Variants in ELL observed in about 807,000 individuals in gnomAD.
ELL encodes RNA polymerase II elongation factor ELL.
In ELL, 18 loss-of-function variants were observed where a neutral mutation model predicts 64.0. The ratio of observed to expected loss-of-function variants is 0.28; its 90% CI spans 0.19 to 0.42. The LOEUF is 0.42. ELL is among the 10% of genes least tolerant of loss of function. ELL has a pLI of 1.00. For synonymous variants in ELL, 399 were observed against 376.2 expected (o/e 1.06, Z -0.70); for missense variants, 797 against 870.4 (o/e 0.92, Z 1.06).
chr19:18,498,988 G>A (rs1250131170), intron 1 of ELL, among the ~76,000 whole-genome samples: 5 of 152,136 alleles, frequency 3.3e-5, no homozygotes, highest in Non-Finnish European at 5.9e-5. Flanking sequence ...ACACAAATGT[G>A]TGCACTAGGG....
At chr19:18,483,282 C>T (rs536822342) in intron 1 of ELL, among the ~76,000 whole-genome samples, 4 of 152,172 alleles carry the variant, frequency 2.6e-5, no homozygotes, top group African/African-American at 4.8e-5. Flanking sequence ...GGATATTCCC[C>T]GGATGCCACC....
In ELL at chr19:18,509,591, GCGCACATACACACACA is replaced by G. The variant is rs1459803480; in HGVS notation, c.135+12314_135+12329del. On this transcript the variant is annotated intron_variant, in intron 1 of 11. Transcript: ENST00000262809. Reference sequence around the variant, plus strand: ...CACAGGCCAATGCACGTGCGCGCGCGCGCACATACACACACACACACACACACACACACACACACAC... The same window carrying G: ...CACAGGCCAATGCACGTGCGCGCGCGCACACACACACACACACACACACAC... Among the ~76,000 whole-genome samples, 967 of 121,772 alleles carry G rather than the reference GCGCACATACACACACA, an allele frequency of 7.9e-3. 33 individuals carry two copies. The highest frequency in any genetic ancestry group is 0.015 in the South Asian group (58 of 3,748). The allele number at this position is 121,772 out of a possible 152,430, so 79.9% of individuals were successfully genotyped here. A position where few individuals can be genotyped will look rare whatever the true frequency, so the allele number is the denominator to read the frequency against.
chr19:18,508,683 T>C (rs1311610578), intron 1 of ELL, among the ~76,000 whole-genome samples: 2 of 152,210 alleles, frequency 1.3e-5, no homozygotes, highest in African/African-American at 4.8e-5. Context: ...AAGCTTCTTT[T>C]ATGAAGGGCC....
intron 1 of ELL, among the ~76,000 whole-genome samples, chr19:18,490,918 C>G (rs915484876): frequency 2.0e-5 from 3 of 152,184 alleles, no homozygotes; most frequent in Non-Finnish European, 2.9e-5. Context: ...TGCTCACCAC[C>G]GGCAGCAGGT....
At chr19:18,472,647 G>A in intron 2 of ELL, 188 bp downstream of exon 2, 2 of 651,262 alleles carry the variant, frequency 3.1e-6, no homozygotes, top group African/African-American at 1.9e-5. Flanking sequence ...CCTGTGACGT[G>A]CACCCGACAC....
intron 1 of ELL, among the ~76,000 whole-genome samples, chr19:18,509,551 G>A (rs1265089236): frequency 6.6e-5 from 10 of 150,672 alleles, no homozygotes; most frequent in Non-Finnish European, 1.3e-4. Context: ...TCTCCAGGGT[G>A]AACACAGATG....
intron 1 of ELL, among the ~76,000 whole-genome samples, chr19:18,493,128 G>A (rs1975566915): frequency 6.6e-6 from 1 of 152,070 alleles, no homozygotes; most frequent in African/African-American, 2.4e-5. Context: ...CCACAAGGGT[G>A]ACCGAGAAGG....
intron 1 of ELL, among the ~76,000 whole-genome samples, chr19:18,519,178 C>T (rs1449646579): frequency 2.0e-5 from 3 of 150,246 alleles, no homozygotes; most frequent in Non-Finnish European, 4.4e-5. Flanking sequence ...CTGGCTAACA[C>T]GAAAAATCGC....
At chr19:18,472,795 C>A in intron 2 of ELL, 40 bp downstream of exon 2, 1 of 1,593,922 alleles carries the variant, frequency 6.3e-7, no homozygotes, top group South Asian at 1.1e-5. Context: ...CTATACCAGT[C>A]CCAAGATTCC....
At chr19:18,495,116 C>T (rs551200370) in intron 1 of ELL, among the ~76,000 whole-genome samples, 3 of 152,276 alleles carry the variant, frequency 2.0e-5, no homozygotes, top group African/African-American at 7.2e-5. Flanking sequence ...TTGGAGTAGA[C>T]AAAAACTAGA....
At chr19:18,447,898 C>T (rs1274413460) in intron 8 of ELL, among the ~76,000 whole-genome samples, 2 of 151,758 alleles carry the variant, frequency 1.3e-5, no homozygotes, top group Admixed American at 6.6e-5. Context: ...GATCCTCTTG[C>T]CTCAGCCTCC....
intron 1 of ELL, among the ~76,000 whole-genome samples, chr19:18,481,316 G>A (rs1975295078): frequency 6.6e-6 from 1 of 152,128 alleles, no homozygotes; most frequent in Admixed American, 6.5e-5. Context: ...CACGGACTGG[G>A]GGCCAGAAGT....
In ELL at chr19:18,501,620, G is replaced by A. The variant is rs1047819097; in HGVS notation, c.135+20301C>T. ...GGGCCGGCTACTCACGAGTGCACAC[G>A]AGGACAGCCAGGATTCACTAGGACA... is the stretch of plus-strand genomic sequence containing the variant. On this transcript the variant is annotated intron_variant, in intron 1 of 11. Coordinates refer to ENST00000262809, the MANE Select transcript of ELL (RefSeq NM_006532.4). This position sits in a 1 kb window ranked among gnomAD's most constrained non-coding sequence, Gnocchi z 4.5. 6.6e-6 allele frequency among the ~76,000 whole-genome samples: 1 copy of A among 152,222 alleles called. No individual in the cohort carries two copies. Among genetic ancestry groups the A allele is most frequent in the African/African-American group, 2.4e-5 (1 of 41,460 alleles).
intron 1 of ELL, among the ~76,000 whole-genome samples, chr19:18,500,000 G>A (rs1423206541): frequency 6.6e-6 from 1 of 152,204 alleles, no homozygotes; most frequent in Admixed American, 6.5e-5. Flanking sequence ...GGTGGCTCAC[G>A]CCTGTAATCC....
intron 1 of ELL, among the ~76,000 whole-genome samples, chr19:18,511,266 CA>C (rs113597097): frequency 0.024 from 2,717 of 113,942 alleles, 35 homozygotes; most frequent in African/African-American, 0.058. Flanking sequence ...AACTCCGTCT[CA>C]AAAAAAAAAA....
At chr19:18,489,941 G>A (rs1432165086) in intron 1 of ELL, among the ~76,000 whole-genome samples, 3 of 152,138 alleles carry the variant, frequency 2.0e-5, no homozygotes, top group Non-Finnish European at 2.9e-5. Context: ...GGGCCCAGAC[G>A]CGCACTGAGC....
chr19:18,469,384 G>A (rs1212728535), intron 2 of ELL, among the ~76,000 whole-genome samples: 1 of 152,230 alleles, frequency 6.6e-6, no homozygotes. Context: ...CCAGCGGGAT[G>A]GGAGCAGCCC....
At chr19:18,503,085 GT>G (rs1432738789) in intron 1 of ELL, among the ~76,000 whole-genome samples, 7 of 152,338 alleles carry the variant, frequency 4.6e-5, no homozygotes, top group African/African-American at 1.7e-4. Flanking sequence ...TTTACAGCTG[GT>G]TTAATGTGGT....
At chr19:18,513,757 C>T (rs1280522414) in intron 1 of ELL, among the ~76,000 whole-genome samples, 1 of 151,986 alleles carries the variant, frequency 6.6e-6, no homozygotes, top group Non-Finnish European at 1.5e-5. Flanking sequence ...CGGTGAAACC[C>T]TGTCTCTACT....
Sources: gnomAD v4.1 joint callset for allele counts (sites outside exome capture counted in the v4.1 genomes callset) on GRCh38, gnomAD v4.1.1 for gene constraint, Gnocchi (gnomAD v3.1) non-coding constraint, MANE v1.5 for transcripts, NCBI Gene and HGNC (gene_info 2026-07-23, HGNC 2026-07-21) for gene names.